EML4: variants seen among roughly 807,000 people sequenced by gnomAD.
EML4 encodes the protein echinoderm microtubule-associated protein-like 4.
EML4 carries 72 observed loss-of-function variants against 129.0 expected under a neutral mutation model. The ratio of observed to expected loss-of-function variants is 0.56; its 90% CI spans 0.46 to 0.68. EML4 has a LOEUF of 0.68. Among genes scored for constraint, EML4 ranks in the 30% least tolerant of loss-of-function variants. The pLI, the probability that EML4 is intolerant of heterozygous loss-of-function variation, is 0.00. For synonymous variants in EML4, 532 were observed against 405.0 expected (o/e 1.31, Z -3.77); for missense variants, 1,363 against 1,190.6 (o/e 1.14, Z -2.13).
At chr2:42,253,680 T>C (rs900289668) in intron 2 of EML4, among the ~76,000 whole-genome samples, 2 of 152,152 alleles carry the variant, frequency 1.3e-5, no homozygotes, top group African/African-American at 2.4e-5. Context: ...TCAAGAGTTA[T>C]TTCAACCCTA....
chr2:42,234,688 G>T lies in EML4; in HGVS notation c.26-10817G>T, dbSNP rs1183544629. ...AATATATTCCTGTTGAGAGGACAGG[G>T]TGGGTTTTGCTCAGCTTGTTCTTGT... is the stretch of plus-strand genomic sequence containing the variant. On this transcript the variant is annotated intron_variant, in intron 1 of 22. Coordinates refer to ENST00000318522, the MANE Select transcript of EML4 (RefSeq NM_019063.5). Among the ~76,000 whole-genome samples the T allele has an allele frequency of 7.2e-5, 11 of 152,276 alleles. No homozygotes were observed. The East Asian group carries it at 1.9e-3, about 27-fold the overall frequency.
chr2:42,265,601 A>G (rs564265146), intron 6 of EML4, among the ~76,000 whole-genome samples: 1 of 152,324 alleles, frequency 6.6e-6, no homozygotes, highest in South Asian at 2.1e-4. Flanking sequence ...GGTGAACAGT[A>G]AAAATACAGT....
Position 42,329,929 on chromosome 2 carries a change from G to C in EML4, c.2668G>C (p.Glu890Gln), listed in dbSNP as rs1670012405. 6.2e-7 allele frequency: 1 copy of C among 1,613,914 alleles called. No individual in the cohort carries two copies. The highest frequency in any genetic ancestry group is 8.5e-7 in the Non-Finnish European group (1 of 1,180,022). The change falls in exon 23 of 23, where the codon GAA (glutamate) becomes CAA (glutamine). Residue 890 changes from glutamate to glutamine, a missense_variant. Transcript: ENST00000318522. ...TLTKAPVSST[E>Q]SVIQSNTPTP... is the part of the protein sequence containing the mutation. ...AACCAAAGCCCCCGTCTCTTCCACTGAAAGTGTCATCCAATCTAATACTCC... is the reference window on the plus strand; with the variant it reads ...AACCAAAGCCCCCGTCTCTTCCACTCAAAGTGTCATCCAATCTAATACTCC...
chr2:42,217,042 T>G (rs371321243), intron 1 of EML4, among the ~76,000 whole-genome samples: 7 of 152,240 alleles, frequency 4.6e-5, no homozygotes, highest in African/African-American at 1.7e-4. Flanking sequence ...AACATTTTTG[T>G]TAAGTAAATT....
At chr2:42,223,102 G>A (rs1673721307) in intron 1 of EML4, among the ~76,000 whole-genome samples, 1 of 152,044 alleles carries the variant, frequency 6.6e-6, no homozygotes, top group Non-Finnish European at 1.5e-5. Flanking sequence ...ACCGTGCCTG[G>A]CCAATATAAT....
intron 1 of EML4, among the ~76,000 whole-genome samples, chr2:42,214,363 A>G (rs1673055944): frequency 6.6e-6 from 1 of 152,190 alleles, no homozygotes; most frequent in African/African-American, 2.4e-5. Context: ...TGAATAGGCT[A>G]GGCAGTTATT....
rs1263368947 is a variant in EML4 at position 42,169,626 on chromosome 2, C to G, written c.15C>G (p.Ala5=). Residue 5 remains alanine (A), a synonymous_variant, in exon 1 of 23, where the codon GCC becomes GCG. Coordinates refer to ENST00000318522, the MANE Select transcript of EML4 (RefSeq NM_019063.5). MDGF[A]GSLDDSISAA... ...TTCCCCGCAAGATGGACGGTTTCGC[C>G]GGCAGTCTCGGTGAGTACGGCTGGG... The G allele has an allele frequency of 6.2e-7, 1 of 1,601,908 alleles. No homozygotes were observed. Among genetic ancestry groups the G allele is most frequent in the South Asian group, 1.1e-5 (1 of 90,172 alleles).
Position 42,169,522 on chromosome 2 carries a change from G to A in EML4, c.-90G>A, listed in dbSNP as rs577100563. 1.4e-6 allele frequency: 2 copies of A among 1,446,674 alleles called. No individual in the cohort carries two copies. The highest frequency in any genetic ancestry group is 2.3e-5 in the Admixed American group (1 of 43,460). The allele number at this position is 1,446,674 out of a possible 1,614,324, so 89.6% of individuals were successfully genotyped here. On this transcript the variant is annotated 5_prime_UTR_variant, in exon 1 of 23. Transcript: ENST00000318522. ...CCGAGCCGGGCGACCTAGAGAACGA[G>A]CGGGTCAGGCTCAGCGTCGGCCACT...
intron 17 of EML4, among the ~76,000 whole-genome samples, chr2:42,306,484 C>CTTATTTTTTTTT (rs1668599208): frequency 1.3e-5 from 1 of 74,604 alleles, no homozygotes; most frequent in East Asian, 5.6e-4. Flanking sequence ...GTGCTAAATC[C>CTTATTTTTTTTT]TTTTTTTTTT....
chr2:42,184,046 A>C (rs1671103168), intron 1 of EML4, among the ~76,000 whole-genome samples: 2 of 152,060 alleles, frequency 1.3e-5, no homozygotes, highest in African/African-American at 4.8e-5. Context: ...TGTGCTCTGA[A>C]GTGTTGTTTA....
At chr2:42,170,224 C>T (rs780489648) in intron 1 of EML4, 1 of 152,326 alleles carries the variant, frequency 6.6e-6, no homozygotes, top group African/African-American at 2.4e-5. Context: ...TTCAATCCCT[C>T]CACTTCTCTG....
intron 6 of EML4, among the ~76,000 whole-genome samples, chr2:42,266,171 C>G (rs1017035699): frequency 2.0e-5 from 3 of 152,064 alleles, no homozygotes; most frequent in Admixed American, 1.3e-4. Context: ...TTGTAATAGT[C>G]TTTAGGTCAT....
At chr2:42,174,618 A>G (rs1670485390) in intron 1 of EML4, among the ~76,000 whole-genome samples, 1 of 152,074 alleles carries the variant, frequency 6.6e-6, no homozygotes, top group East Asian at 1.9e-4. Flanking sequence ...ATGTCGGTAT[A>G]TGATCTCTTG....
intron 1 of EML4, among the ~76,000 whole-genome samples, chr2:42,176,790 TTTTA>T (rs1670630415): frequency 6.6e-6 from 1 of 152,120 alleles, no homozygotes. Flanking sequence ...TTGGTTTTAT[TTTTA>T]TTTATTTATT....
chr2:42,172,062 T>A (rs550313040), intron 1 of EML4, among the ~76,000 whole-genome samples: 82 of 152,120 alleles, frequency 5.4e-4, no homozygotes, highest in African/African-American at 1.8e-3. Context: ...TTAAAAACTT[T>A]TTTTTTTTTT....
intron 1 of EML4, among the ~76,000 whole-genome samples, chr2:42,223,320 C>G (rs1178015767): frequency 6.6e-6 from 1 of 152,116 alleles, no homozygotes; most frequent in Non-Finnish European, 1.5e-5. Context: ...AAATGCACCA[C>G]TACAAATGTC....
intron 9 of EML4, chr2:42,285,932 C>G (rs976359943): frequency 1.8e-5 from 5 of 273,524 alleles, no homozygotes; most frequent in Middle Eastern, 1.3e-3. Flanking sequence ...TCACTTTGGG[C>G]AAGTTATTTA....
chr2:42,190,411 A>T (rs904032958), intron 1 of EML4, among the ~76,000 whole-genome samples: 8 of 152,112 alleles, frequency 5.3e-5, no homozygotes, highest in African/African-American at 1.7e-4. Context: ...GGGCCTATGG[A>T]TGTGCTTGAT....
chr2:42,264,834 T>C, intron 6 of EML4, 103 bp downstream of exon 6: 2 of 1,424,724 alleles, frequency 1.4e-6, no homozygotes, highest in Non-Finnish European at 1.9e-6. Context: ...CAGTTCATAG[T>C]AATCAAAGAA....
Sources: gnomAD v4.1 joint callset for allele counts (sites outside exome capture counted in the v4.1 genomes callset) on GRCh38, gnomAD v4.1.1 for gene constraint, MANE v1.5 for transcripts, NCBI Gene and HGNC (gene_info 2026-07-23, HGNC 2026-07-21) for gene names.